Variants in TMEM87A observed in about 807,000 individuals in gnomAD.
The protein encoded by TMEM87A is transmembrane protein 87A.
TMEM87A carries 50 observed loss-of-function variants against 90.0 expected under a neutral mutation model. That is an observed-to-expected ratio of 0.56 (90% CI 0.44 to 0.70). TMEM87A has a LOEUF of 0.70. Ranked by LOEUF, TMEM87A falls within the 30% of genes least tolerant of loss-of-function variation. The pLI, the probability that TMEM87A is intolerant of heterozygous loss-of-function variation, is 0.00. For synonymous variants in TMEM87A, 226 were observed against 226.7 expected (o/e 1.00, Z 0.03); for missense variants, 577 against 660.5 (o/e 0.87, Z 1.39).
chr15:42,244,491 T>C, intron 6 of TMEM87A, among the ~76,000 whole-genome samples: 1 of 151,934 alleles, frequency 6.6e-6, no homozygotes, highest in East Asian at 2.0e-4. Flanking sequence ...GTTTGTGTTT[T>C]ATGCAGACAT....
chr15:42,250,868 G>A (rs929188257), intron 6 of TMEM87A, among the ~76,000 whole-genome samples: 3 of 152,044 alleles, frequency 2.0e-5, no homozygotes, highest in African/African-American at 7.2e-5. Flanking sequence ...ATCACTTTCA[G>A]GTATACCAAT....
intron 4 of TMEM87A, among the ~76,000 whole-genome samples, chr15:42,263,701 T>C (rs929053225): frequency 6.6e-6 from 1 of 152,140 alleles, no homozygotes; most frequent in African/African-American, 2.4e-5. Context: ...TGAGCCGAGA[T>C]TGTGCCACTG....
At chr15:42,253,824 T>C (rs544183165) in intron 6 of TMEM87A, among the ~76,000 whole-genome samples, 187 of 152,354 alleles carry the variant, frequency 1.2e-3, no homozygotes, top group Non-Finnish European at 2.4e-3. Flanking sequence ...GTTGCTTTTG[T>C]GGAGGCATGG....
chr15:42,216,961 C>CTTTTTT (rs200586475), intron 19 of TMEM87A, among the ~76,000 whole-genome samples: 1 of 138,384 alleles, frequency 7.2e-6, no homozygotes, highest in Admixed American at 7.2e-5. Context: ...TTTTTCTTTT[C>CTTTTTT]TTTTTTTTTT....
intron 17 of TMEM87A, among the ~76,000 whole-genome samples, chr15:42,218,660 G>T (rs1184153786): frequency 6.6e-6 from 1 of 152,172 alleles, no homozygotes; most frequent in East Asian, 1.9e-4. Context: ...AGATCATGTG[G>T]TATTTGTCTT....
intron 3 of TMEM87A, among the ~76,000 whole-genome samples, chr15:42,264,699 A>ATATATATATTTTTTTTT (rs10681614): frequency 2.3e-4 from 25 of 109,434 alleles, no homozygotes; most frequent in Non-Finnish European, 2.7e-4. Flanking sequence ...ATATATATAT[A>ATATATATATTTTTTTTT]TTTTTTTTTT....
intron 6 of TMEM87A, among the ~76,000 whole-genome samples, chr15:42,245,099 C>CG (rs2140953678): frequency 6.6e-6 from 1 of 152,202 alleles, no homozygotes; most frequent in South Asian, 2.1e-4. Flanking sequence ...ACAAAGCAGA[C>CG]TAAACAATTC....
rs186146555 is a variant in TMEM87A, at chr15:42,236,046, G to A, written c.968+274C>T. On this transcript the variant is annotated intron_variant, in intron 10 of 19. Coordinates refer to ENST00000389834, the MANE Select transcript of TMEM87A (RefSeq NM_015497.5). ...ATTTTGGAAGTATGGAAATATATTC[G>A]GAAGTATGGAATACATTTGGATTTG... Among the ~76,000 whole-genome samples the A allele has an allele frequency of 9.2e-5, 14 of 152,152 alleles. No individual in the cohort carries two copies. The East Asian group carries it at 1.9e-3, about 21-fold the overall frequency.
At chr15:42,239,805 T>A in intron 7 of TMEM87A, 74 bp from the exon 8 acceptor site, 1 of 1,259,556 alleles carries the variant, frequency 7.9e-7, no homozygotes, top group Non-Finnish European at 1.2e-6. Flanking sequence ...AATATTTGTT[T>A]AATGAACTTA....
intron 3 of TMEM87A, among the ~76,000 whole-genome samples, chr15:42,264,700 T>TATATATATA (rs35725330): frequency 1.4e-3 from 7 of 5,154 alleles, no homozygotes; most frequent in African/African-American, 1.9e-3. Context: ...TATATATATA[T>TATATATATA]TTTTTTTTTA....
chr15:42,228,911 C>T, intron 12 of TMEM87A, 91 bp from the exon 13 acceptor site: 1 of 864,512 alleles, frequency 1.2e-6, no homozygotes. Context: ...GGGGTCATGC[C>T]AATAAACTTA....
Position 42,231,191 on chromosome 15 carries a change from T to C in TMEM87A, c.1131+1A>G. ...ATCAAACAAGCCAATGAGAAGGATATCCACCAGCACAAGGCAGTGTCTAGG... is the reference window on the plus strand; with the variant it reads ...ATCAAACAAGCCAATGAGAAGGATACCCACCAGCACAAGGCAGTGTCTAGG... On this transcript the variant is annotated splice_donor_variant, in intron 12 of 19. Coordinates refer to ENST00000389834, the MANE Select transcript of TMEM87A (RefSeq NM_015497.5). LOFTEE classifies it high-confidence loss of function. 3 of 1,602,788 alleles carry C rather than the reference T, an allele frequency of 1.9e-6. No individual in the cohort carries two copies. Among genetic ancestry groups the C allele is most frequent in the Non-Finnish European group, 2.6e-6 (3 of 1,175,734 alleles).
intron 6 of TMEM87A, among the ~76,000 whole-genome samples, chr15:42,250,350 T>C (rs2051061146): frequency 6.6e-6 from 1 of 152,246 alleles, no homozygotes; most frequent in Non-Finnish European, 1.5e-5. Flanking sequence ...TGATGCAGTT[T>C]CTTCCTAGCA....
At chr15:42,212,108 G>A (rs1054341049) in intron 19 of TMEM87A, among the ~76,000 whole-genome samples, 4 of 152,146 alleles carry the variant, frequency 2.6e-5, no homozygotes, top group African/African-American at 9.7e-5. Flanking sequence ...GAAGGATGAG[G>A]GCAAAGACGT....
At chr15:42,227,492 T>G (rs1475436775) in intron 14 of TMEM87A, 2 of 445,872 alleles carry the variant, frequency 4.5e-6, no homozygotes, top group African/African-American at 4.0e-5. Context: ...CTCCCAAAAC[T>G]GGGAGAATAC....
chr15:42,211,534 A>G lies in TMEM87A; in HGVS notation c.*174T>C, dbSNP rs2050286537. ...TTTCTCATCTTATGAACTTGTTTTC[A>G]GTAAGATGTTCTCTTTGTTCTGACA... On this transcript the variant is annotated 3_prime_UTR_variant, in exon 20 of 20. Coordinates refer to ENST00000389834, the MANE Select transcript of TMEM87A (RefSeq NM_015497.5). 1 of 600,520 alleles carries G rather than the reference A, an allele frequency of 1.7e-6. No homozygotes were observed. Among genetic ancestry groups the G allele is most frequent in the Non-Finnish European group, 2.9e-6 (1 of 344,376 alleles). 37.2% of individuals were successfully genotyped at this position (600,520 alleles called of 1,614,324 possible). A position where few individuals can be genotyped will look rare whatever the true frequency, so the allele number is the denominator to read the frequency against.
At chr15:42,264,770 A>G (rs116176449) in intron 3 of TMEM87A, among the ~76,000 whole-genome samples, 2,128 of 149,828 alleles carry the variant, frequency 0.014, 45 homozygotes, top group African/African-American at 0.05. Flanking sequence ...AACTGAACTC[A>G]CAGGGAACTG....
rs1001231832 is a variant in TMEM87A at position 42,227,563 on chromosome 15, G to C, written c.1299+148C>G. ...GCACCATGATAGTACAGAATACTTAGGAGGAGGGAAGTATCACAACCCTCA... is the reference window on the plus strand; with the variant it reads ...GCACCATGATAGTACAGAATACTTACGAGGAGGGAAGTATCACAACCCTCA... On this transcript the variant is annotated intron_variant, in intron 14 of 19. Transcript: ENST00000389834. 10 of 631,428 alleles carry C rather than the reference G, an allele frequency of 1.6e-5. No individual in the cohort carries two copies. In the African/African-American group the frequency reaches 1.8e-4, roughly 12 times the overall value. 39.1% of individuals were successfully genotyped at this position (631,428 alleles called of 1,614,324 possible).
chr15:42,254,767 C>G (rs1252378844), intron 6 of TMEM87A, among the ~76,000 whole-genome samples: 1 of 152,180 alleles, frequency 6.6e-6, no homozygotes, highest in Non-Finnish European at 1.5e-5. Context: ...CTGTATGATA[C>G]TACAAAGGTG....
Sources: gnomAD v4.1 joint callset for allele counts (sites outside exome capture counted in the v4.1 genomes callset) on GRCh38, gnomAD v4.1.1 for gene constraint, MANE v1.5 for transcripts, NCBI Gene and HGNC (gene_info 2026-07-23, HGNC 2026-07-21) for gene names.